The following EXD2 variants were observed in gnomAD, a reference collection of about 807,000 sequenced individuals.
The protein encoded by EXD2 is exonuclease 3'-5' domain containing 2.
In EXD2, 40 loss-of-function variants were observed where a neutral mutation model predicts 62.5. The observed-to-expected ratio is 0.64, with a 90% CI of 0.50 to 0.83. EXD2 has a LOEUF of 0.83. Ranked by LOEUF, EXD2 falls within the 40% of genes least tolerant of loss-of-function variation. EXD2 has a pLI of 0.00. For synonymous variants in EXD2, 239 were observed against 291.9 expected (o/e 0.82, Z 1.85); for missense variants, 671 against 761.8 (o/e 0.88, Z 1.40).
Position 69,237,463 on chromosome 14 carries a change from G to T in EXD2, c.1293-112G>T. On this transcript the variant is annotated intron_variant, in intron 8 of 9. Transcript: ENST00000685843. ...TCTGTGTTGGGCGGTGGTGCCCAAG[G>T]CTTCTCAGTCATGGTTAGGCCCCAG... is the stretch of plus-strand genomic sequence containing the variant. The T allele has an allele frequency of 4.4e-6, 4 of 915,336 alleles. No homozygotes were observed. In the Admixed American group the frequency reaches 5.4e-5, roughly 12 times the overall value. The allele number at this position is 915,336 out of a possible 1,614,324, so 56.7% of individuals were successfully genotyped here. A position where few individuals can be genotyped will look rare whatever the true frequency, so the allele number is the denominator to read the frequency against.
chr14:69,213,001 G>A (rs550068466), intron 3 of EXD2, among the ~76,000 whole-genome samples: 2 of 151,738 alleles, frequency 1.3e-5, no homozygotes, highest in South Asian at 2.1e-4. Context: ...GTGAGCAACC[G>A]TGCCTGGCCT....
At chr14:69,228,159 C>G (rs1340298078) in intron 3 of EXD2, 3 of 145,360 alleles carry the variant, frequency 2.1e-5, no homozygotes, top group Non-Finnish European at 3.0e-5. Context: ...ATTTCTCACT[C>G]TACTCCTGGG....
chr14:69,238,552 G>C (rs552731373), intron 9 of EXD2, among the ~76,000 whole-genome samples: 3 of 150,020 alleles, frequency 2.0e-5, no homozygotes, highest in African/African-American at 4.9e-5. Context: ...TGTTTATGAA[G>C]TAATGAGAAA....
At chr14:69,220,251 CTGTTT>C (rs1175818704) in intron 3 of EXD2, among the ~76,000 whole-genome samples, 27 of 60,640 alleles carry the variant, frequency 4.5e-4, no homozygotes, top group African/African-American at 1.7e-3. Flanking sequence ...TTTTGTCTCT[CTGTTT>C]TTTTTTTTTT....
At chr14:69,220,965 C>T (rs2140277906) in intron 3 of EXD2, among the ~76,000 whole-genome samples, 1 of 152,310 alleles carries the variant, frequency 6.6e-6, no homozygotes, top group Admixed American at 6.5e-5. Context: ...TTCCTGGGCT[C>T]AAGCAATCCT....
chr14:69,204,636 A>C (rs557525435), intron 2 of EXD2, among the ~76,000 whole-genome samples: 2 of 152,340 alleles, frequency 1.3e-5, no homozygotes, highest in South Asian at 4.1e-4. Flanking sequence ...AGATTTAGTG[A>C]GGGATCGAAA....
chr14:69,222,397 T>C (rs1014719170), intron 3 of EXD2, among the ~76,000 whole-genome samples: 2 of 152,348 alleles, frequency 1.3e-5, no homozygotes, highest in South Asian at 2.1e-4. Context: ...CCAACTTTAA[T>C]CTGACATCTT....
Position 69,236,095 on chromosome 14 carries a change from C to T in EXD2, c.1099C>T (p.Pro367Ser). 1 of 1,614,150 alleles carries T rather than the reference C, an allele frequency of 6.2e-7. No homozygotes were observed. The highest frequency in any genetic ancestry group is 8.5e-7 in the Non-Finnish European group (1 of 1,179,998). Residue 367 changes from proline to serine, a missense_variant, in exon 7 of 10, where the codon CCC (proline) becomes TCC (serine). Pro to Ser is a moderately conservative substitution (Grantham distance 74). Transcript: ENST00000685843. ...CTTTCTCCATGCTCCTGATGGACAGCCCCTCTGCACTTGTGATAGAAGAAA... is the reference window on the plus strand; with the variant it reads ...CTTTCTCCATGCTCCTGATGGACAGTCCCTCTGCACTTGTGATAGAAGAAA... ...NCFLHAPDGQ[P>S]LCTCDRRKAQ...
At position 69,243,889 on chromosome 14, in the gene EXD2, T is replaced by G. The variant is rs1213673644; in HGVS notation, c.*2789T>G. 7 of 152,214 alleles carry G rather than the reference T, an allele frequency of 4.6e-5. No individual in the cohort carries two copies. Among genetic ancestry groups the G allele is most frequent in the Admixed American group, 4.6e-4 (7 of 15,280 alleles). The allele number at this position is 152,214 out of a possible 1,614,324, so 9.4% of individuals were successfully genotyped here. ...GTGTTTGCAGGTTCAGCATTTCTTCTTGAGTCCTTCCCTTCTTCCAACCTT... is the reference window on the plus strand; with the variant it reads ...GTGTTTGCAGGTTCAGCATTTCTTCGTGAGTCCTTCCCTTCTTCCAACCTT... On this transcript the variant is annotated 3_prime_UTR_variant, in exon 10 of 10. Transcript: ENST00000685843.
At chr14:69,211,965 T>A (rs1440341233) in intron 3 of EXD2, among the ~76,000 whole-genome samples, 1 of 152,218 alleles carries the variant, frequency 6.6e-6, no homozygotes, top group Non-Finnish European at 1.5e-5. Flanking sequence ...GATTCCACAT[T>A]TCCCTTTAGG....
At chr14:69,220,245 GTC>G (rs1405408945) in intron 3 of EXD2, among the ~76,000 whole-genome samples, 2 of 85,258 alleles carry the variant, frequency 2.3e-5, no homozygotes, top group African/African-American at 9.5e-5. Flanking sequence ...CAAGTGTTTT[GTC>G]TCTCTGTTTT....
intron 3 of EXD2, among the ~76,000 whole-genome samples, chr14:69,224,668 AC>A (rs1410177789): frequency 6.6e-6 from 1 of 151,950 alleles, no homozygotes; most frequent in Non-Finnish European, 1.5e-5. Context: ...TCTGCCCAAA[AC>A]CCTTCCATTG....
chr14:69,221,909 TAAAA>T (rs60647735), intron 3 of EXD2, among the ~76,000 whole-genome samples: 1,060 of 52,024 alleles, frequency 0.02, 23 homozygotes, highest in African/African-American at 0.08. Flanking sequence ...CTGTCTCTAC[TAAAA>T]AAAAAAAAAA....
rs1003640841 is a variant in EXD2 at position 69,225,922 on chromosome 14, C to G, written c.334-2894C>G. Among the ~76,000 whole-genome samples the G allele has an allele frequency of 3.9e-5, 6 of 152,280 alleles. No homozygotes were observed. The East Asian group carries it at 1.2e-3, about 29-fold the overall frequency. On this transcript the variant is annotated intron_variant, in intron 3 of 9. Coordinates refer to ENST00000685843, the MANE Select transcript of EXD2 (RefSeq NM_001193360.2). Reference sequence around the variant, plus strand: ...AAACTTTGATTATAGTATATTGGATCTTAAGCACAATCCAGAAACATTAAA... The same window carrying G: ...AAACTTTGATTATAGTATATTGGATGTTAAGCACAATCCAGAAACATTAAA...
At chr14:69,198,981 C>G (rs1308937164) in intron 1 of EXD2, among the ~76,000 whole-genome samples, 1 of 152,256 alleles carries the variant, frequency 6.6e-6, no homozygotes, top group Non-Finnish European at 1.5e-5. Flanking sequence ...TGGAGGCTCA[C>G]GCCTATAATC....
intron 5 of EXD2, among the ~76,000 whole-genome samples, chr14:69,234,036 G>T (rs976357548): frequency 2.0e-5 from 3 of 152,054 alleles, no homozygotes. Flanking sequence ...TAAAGTGCTG[G>T]GATTACAGGT....
chr14:69,212,086 C>A (rs1240991998), intron 3 of EXD2, among the ~76,000 whole-genome samples: 2 of 152,058 alleles, frequency 1.3e-5, no homozygotes, highest in East Asian at 1.9e-4. Flanking sequence ...GAATAGAAAA[C>A]AAAAATAGGC....
chr14:69,199,854 A>G (rs75488608), intron 1 of EXD2, among the ~76,000 whole-genome samples: 2,018 of 152,296 alleles, frequency 0.013, 42 homozygotes, highest in African/African-American at 0.047. Flanking sequence ...TATAAGTAGA[A>G]GGAGTACACC....
At chr14:69,227,983 T>G (rs2043420480) in intron 3 of EXD2, 1 of 152,156 alleles carries the variant, frequency 6.6e-6, no homozygotes, top group African/African-American at 2.4e-5. Context: ...AGAAAGCACT[T>G]GGTGCTACCT....
Sources: allele counts gnomAD v4.1 joint callset (sites outside exome capture counted in the v4.1 genomes callset), GRCh38; gene constraint gnomAD v4.1.1; transcripts MANE v1.5; gene names NCBI Gene and HGNC (gene_info 2026-07-23, HGNC 2026-07-21).